Variants in ZNF365 observed in about 807,000 individuals in gnomAD.
The protein encoded by ZNF365 is protein ZNF365.
In ZNF365, 22 loss-of-function variants were observed where a neutral mutation model predicts 35.0. The ratio of observed to expected loss-of-function variants is 0.63; its 90% CI spans 0.45 to 0.90. ZNF365 has a LOEUF of 0.90. ZNF365 is among the 40% of genes least tolerant of loss of function. The pLI is 0.00. For synonymous variants in ZNF365, 188 were observed against 196.2 expected (o/e 0.96, Z 0.35); for missense variants, 448 against 500.3 (o/e 0.90, Z 1.00).
At chr10:62,434,323 AAAAC>A (rs1269201943) in intron 3 of ZNF365, among the ~76,000 whole-genome samples, 1 of 152,180 alleles carries the variant, frequency 6.6e-6, no homozygotes, top group Non-Finnish European at 1.5e-5. Context: ...AATCAAATGA[AAAAC>A]AAATCAACTG....
intron 4 of ZNF365, 82 bp from the exon 5 acceptor site, chr10:62,399,446 T>C: frequency 6.5e-7 from 1 of 1,546,096 alleles, no homozygotes; most frequent in Non-Finnish European, 8.7e-7. Flanking sequence ...GATTGTGCCA[T>C]GAGTAATTAT....
intron 3 of ZNF365, among the ~76,000 whole-genome samples, chr10:62,425,853 T>C (rs1299175822): frequency 6.6e-6 from 1 of 152,212 alleles, no homozygotes; most frequent in Admixed American, 6.6e-5. Flanking sequence ...TGGTGCTGAC[T>C]GCTATAGCCT....
intron 4 of ZNF365, among the ~76,000 whole-genome samples, chr10:62,474,651 T>C (rs1359856763): frequency 6.6e-6 from 1 of 152,204 alleles, no homozygotes. Context: ...CCAATGATTC[T>C]CCAATCTCAT....
At chr10:62,429,857 ATCT>A (rs1397363416) in intron 3 of ZNF365, among the ~76,000 whole-genome samples, 1 of 152,222 alleles carries the variant, frequency 6.6e-6, no homozygotes, top group Non-Finnish European at 1.5e-5. Context: ...TAAAGCTCAG[ATCT>A]TCTTGCACTA....
chr10:62,376,712 T>C lies in ZNF365; in HGVS notation c.519T>C (p.Asp173=). ...EKFNRMVEAV[D]RTIEKRIDKL... ...TCAATCGAATGGTTGAGGCTGTGGA[T>C]AGGACCATTGAGAAGAGAATTGATA... The change falls in exon 2 of 5, where the codon GAT becomes GAC. Residue 173 remains aspartate, a synonymous_variant. Coordinates refer to ENST00000395254, the MANE Select transcript of ZNF365 (RefSeq NM_014951.3). 1 of 1,614,118 alleles carries C rather than the reference T, an allele frequency of 6.2e-7. No homozygotes were observed. The highest frequency in any genetic ancestry group is 8.5e-7 in the Non-Finnish European group (1 of 1,180,032).
intron 3 of ZNF365, among the ~76,000 whole-genome samples, chr10:62,425,257 GA>G (rs1840234069): frequency 6.6e-6 from 1 of 152,120 alleles, no homozygotes; most frequent in Non-Finnish European, 1.5e-5. Flanking sequence ...AAGCCATTAA[GA>G]AAAGGTTGAT....
At chr10:62,460,002 T>C (rs975948322) in intron 4 of ZNF365, among the ~76,000 whole-genome samples, 2 of 152,230 alleles carry the variant, frequency 1.3e-5, no homozygotes, top group Admixed American at 6.5e-5. Context: ...TCCATTATAT[T>C]CTGTAGCTTT....
intron 3 of ZNF365, among the ~76,000 whole-genome samples, chr10:62,393,304 G>A (rs923265595): frequency 2.6e-5 from 4 of 152,232 alleles, no homozygotes; most frequent in East Asian, 1.9e-4. Context: ...TACACAAACC[G>A]GTAGCCTAGT....
intron 3 of ZNF365, among the ~76,000 whole-genome samples, chr10:62,439,444 C>T (rs1840459745): frequency 6.6e-6 from 1 of 151,890 alleles, no homozygotes; most frequent in Admixed American, 6.6e-5. Context: ...CCCAGATTCT[C>T]TTGCAGCTAG....
chr10:62,461,977 CTTT>C (rs146325796), intron 4 of ZNF365, among the ~76,000 whole-genome samples: 1 of 151,338 alleles, frequency 6.6e-6, no homozygotes, highest in Non-Finnish European at 1.5e-5. Context: ...TCTCCCCATC[CTTT>C]TTTTTTACTA....
chr10:62,419,495 A>G (rs1387311876), intron 3 of ZNF365, among the ~76,000 whole-genome samples: 4 of 122,808 alleles, frequency 3.3e-5, no homozygotes, highest in Admixed American at 7.9e-5. Flanking sequence ...TTTTTAAAGG[A>G]AAAAAAAAAA....
At chr10:62,418,552 A>C (rs1398716850) in intron 3 of ZNF365, among the ~76,000 whole-genome samples, 1 of 152,048 alleles carries the variant, frequency 6.6e-6, no homozygotes, top group African/African-American at 2.4e-5. Flanking sequence ...TAGGGAAATT[A>C]ACTTTGAAAT....
chr10:62,460,942 G>T (rs1164041248), intron 4 of ZNF365, among the ~76,000 whole-genome samples: 5 of 152,150 alleles, frequency 3.3e-5, no homozygotes, highest in Non-Finnish European at 7.4e-5. Context: ...TGTGAGAGAA[G>T]GAGGGTCACG....
At chr10:62,389,998 C>T (rs928368737) in intron 3 of ZNF365, among the ~76,000 whole-genome samples, 2 of 152,132 alleles carry the variant, frequency 1.3e-5, no homozygotes, top group African/African-American at 4.8e-5. Flanking sequence ...CCTTGACTAG[C>T]TGTGGCTGGA....
At chr10:62,409,169 A>G (rs1309702290) in intron 3 of ZNF365, among the ~76,000 whole-genome samples, 5 of 152,166 alleles carry the variant, frequency 3.3e-5, no homozygotes, top group Non-Finnish European at 7.4e-5. Flanking sequence ...AAAGGAATTA[A>G]CTTAAAGAGG....
At chr10:62,453,224 C>T (rs1840710997) in intron 3 of ZNF365, among the ~76,000 whole-genome samples, 1 of 152,158 alleles carries the variant, frequency 6.6e-6, no homozygotes, top group African/African-American at 2.4e-5. Context: ...TTTAGGGTAT[C>T]CATCACCAAA....
intron 3 of ZNF365, among the ~76,000 whole-genome samples, chr10:62,389,207 C>T (rs1359809899): frequency 7.5e-6 from 1 of 133,998 alleles, no homozygotes; most frequent in Non-Finnish European, 1.5e-5. Flanking sequence ...TCATAGGGGG[C>T]TTGATCAGGA....
downstream of ZNF365, among the ~76,000 whole-genome samples, chr10:62,405,371 G>A (rs1056491782): frequency 6.6e-6 from 1 of 152,060 alleles, no homozygotes; most frequent in Admixed American, 6.5e-5. Flanking sequence ...TGCAATGAGA[G>A]GGGGGCTTAT....
At chr10:62,394,387 ACC>A (rs1453571724) in intron 3 of ZNF365, among the ~76,000 whole-genome samples, 1 of 152,224 alleles carries the variant, frequency 6.6e-6, no homozygotes, top group Non-Finnish European at 1.5e-5. Flanking sequence ...TTTCCTCAGT[ACC>A]AGTAAGTTCT....
Sources: gnomAD v4.1 joint callset for allele counts (sites outside exome capture counted in the v4.1 genomes callset) on GRCh38, gnomAD v4.1.1 for gene constraint, MANE v1.5 for transcripts, NCBI Gene and HGNC (gene_info 2026-07-23, HGNC 2026-07-21) for gene names.